FARP1: variants seen among roughly 807,000 people sequenced by gnomAD.
The protein encoded by FARP1 is FERM, ARH/RhoGEF and pleckstrin domain protein 1, also known as FERM, ARHGEF and pleckstrin domain-containing protein 1.
Under a neutral mutation model 128.8 loss-of-function variants are expected in FARP1, and 52 were observed. That is an observed-to-expected ratio of 0.40 (90% CI 0.32 to 0.51). The LOEUF (loss-of-function observed/expected upper bound fraction) is 0.51, where lower values mean the gene tolerates loss of function less well. Among genes scored for constraint, FARP1 ranks in the 20% least tolerant of loss-of-function variants. FARP1 has a pLI of 0.45. For synonymous variants in FARP1, 580 were observed against 551.8 expected (o/e 1.05, Z -0.72); for missense variants, 1,333 against 1,367.9 (o/e 0.97, Z 0.40).
At chr13:98,244,992 G>C (rs1566788250) in intron 2 of FARP1, 1 of 1,167,828 alleles carries the variant, frequency 8.6e-7, no homozygotes. Flanking sequence ...TTGCCACTAG[G>C]GGAAGATTCA....
At chr13:98,157,199 ATCAT>A (rs1876553395) in intron 1 of FARP1, among the ~76,000 whole-genome samples, 1 of 152,178 alleles carries the variant, frequency 6.6e-6, no homozygotes, top group African/African-American at 2.4e-5. Context: ...TTTTAAAGTG[ATCAT>A]TGTGTGAGAT....
At chr13:98,166,434 A>G (rs1371705231) in intron 1 of FARP1, among the ~76,000 whole-genome samples, 2 of 152,222 alleles carry the variant, frequency 1.3e-5, no homozygotes, top group East Asian at 3.8e-4. Context: ...TAGAAACTAT[A>G]TCAAATGTTT....
At chr13:98,299,079 C>T (rs776857847) in intron 2 of FARP1, among the ~76,000 whole-genome samples, 17 of 152,148 alleles carry the variant, frequency 1.1e-4, no homozygotes, top group South Asian at 4.2e-4. Context: ...GGATTATGTG[C>T]ACAACTTCAG....
intron 11 of FARP1, among the ~76,000 whole-genome samples, chr13:98,391,927 A>G (rs1890319978): frequency 6.6e-6 from 1 of 152,208 alleles, no homozygotes; most frequent in Non-Finnish European, 1.5e-5. Flanking sequence ...TTTCATTTTC[A>G]TACATTTAAA....
At position 98,448,471 on chromosome 13, in the gene FARP1, C is replaced by T; in HGVS notation, c.*154C>T. 1.6e-6 allele frequency: 1 copy of T among 635,014 alleles called. No homozygotes were observed. Among genetic ancestry groups the T allele is most frequent in the East Asian group, 2.8e-5 (1 of 35,986 alleles). The allele number at this position is 635,014 out of a possible 1,614,324, so 39.3% of individuals were successfully genotyped here. ...TGTCTCCACAGCCGCGTTTTTTAAC[C>T]CCGACCTCTCAGCGTCTGAATGAAC... On this transcript the variant is annotated 3_prime_UTR_variant, in exon 27 of 27. Coordinates refer to ENST00000319562, the MANE Select transcript of FARP1 (RefSeq NM_005766.4).
intron 1 of FARP1, among the ~76,000 whole-genome samples, chr13:98,206,180 TG>T (rs1880252880): frequency 3.4e-4 from 1 of 2,928 alleles, no homozygotes; most frequent in East Asian, 0.023. Context: ...CTTGAGGTTG[TG>T]TGTGTGTGTG....
intron 2 of FARP1, among the ~76,000 whole-genome samples, chr13:98,256,965 A>ATATATATATATG (rs1883642410): frequency 7.9e-6 from 1 of 127,316 alleles, no homozygotes; most frequent in Non-Finnish European, 1.6e-5. Flanking sequence ...ATATATATAT[A>ATATATATATATG]TATATATATA....
At chr13:98,364,146 A>G (rs12586088) in intron 3 of FARP1, among the ~76,000 whole-genome samples, 3 of 152,242 alleles carry the variant, frequency 2.0e-5, no homozygotes, top group Non-Finnish European at 2.9e-5. Context: ...AAATGCTGCA[A>G]TTAGTATTCC....
chr13:98,205,335 T>C (rs1277753427), intron 1 of FARP1, among the ~76,000 whole-genome samples: 1 of 152,188 alleles, frequency 6.6e-6, no homozygotes, highest in Non-Finnish European at 1.5e-5. Context: ...TTTTTGTTTC[T>C]TTAGGGATAC....
At chr13:98,311,327 T>G (rs1566862707) in intron 2 of FARP1, among the ~76,000 whole-genome samples, 3 of 152,192 alleles carry the variant, frequency 2.0e-5, no homozygotes, top group African/African-American at 4.8e-5. Context: ...CCCAGGTTTT[T>G]TTTGTTTGTT....
At chr13:98,339,718 T>G (rs1594420632) in intron 2 of FARP1, among the ~76,000 whole-genome samples, 2 of 152,216 alleles carry the variant, frequency 1.3e-5, no homozygotes, top group African/African-American at 4.8e-5. Context: ...TATAAAAATT[T>G]GGTGCCAAAG....
Position 98,196,937 on chromosome 13 carries a change from G to T in FARP1, c.-23-16283G>T, listed in dbSNP as rs143157622. ...ATTAATTCTAGTTGAAGTATTCCAGGATAAGGTACCCTTTACACATCTGTT... is the reference window on the plus strand; with the variant it reads ...ATTAATTCTAGTTGAAGTATTCCAGTATAAGGTACCCTTTACACATCTGTT... On this transcript the variant is annotated intron_variant, in intron 1 of 26. Transcript: ENST00000319562. 5.3e-4 allele frequency among the ~76,000 whole-genome samples: 81 copies of T among 152,180 alleles called. 4 individuals carry two copies. The East Asian group carries it at 0.016, about 29-fold the overall frequency.
intron 2 of FARP1, among the ~76,000 whole-genome samples, chr13:98,342,603 G>C (rs377116344): frequency 6.6e-6 from 1 of 152,134 alleles, no homozygotes; most frequent in South Asian, 2.1e-4. Flanking sequence ...GGGAGGCCGA[G>C]GTAGGAGAAT....
chr13:98,446,870 C>G, intron 26 of FARP1, 53 bp downstream of exon 26: 1 of 1,579,704 alleles, frequency 6.3e-7, no homozygotes, highest in South Asian at 1.1e-5. Context: ...CCCCCTCTTC[C>G]AAACATCAGG....
At chr13:98,145,847 G>GT (rs1445357589) in intron 1 of FARP1, among the ~76,000 whole-genome samples, 12 of 127,700 alleles carry the variant, frequency 9.4e-5, no homozygotes, top group African/African-American at 2.9e-4. Flanking sequence ...GGGCAACAGA[G>GT]TGAGACTCTG....
rs577222746 is a variant in FARP1 at position 98,362,309 on chromosome 13, C to G, written c.277-3086C>G. ...TACCTGATTCCCCAGCCAGCTACCC[C>G]CCATTCTGTTGCCTCTTGCTTCACA... On this transcript the variant is annotated intron_variant, in intron 3 of 26. Transcript: ENST00000319562. 1.6e-3 allele frequency among the ~76,000 whole-genome samples: 249 copies of G among 152,302 alleles called. 2 individuals carry two copies. Among genetic ancestry groups the G allele is most frequent in the Non-Finnish European group, 2.7e-3 (183 of 68,034 alleles).
At chr13:98,164,251 C>A (rs944468932) in intron 1 of FARP1, among the ~76,000 whole-genome samples, 2 of 152,116 alleles carry the variant, frequency 1.3e-5, no homozygotes, top group Admixed American at 1.3e-4. Flanking sequence ...CACCTTGGTC[C>A]GTTTTGGGGG....
chr13:98,300,764 A>C (rs542751034), intron 2 of FARP1, among the ~76,000 whole-genome samples: 50 of 152,334 alleles, frequency 3.3e-4, no homozygotes, highest in African/African-American at 1.1e-3. Context: ...TATATGGGGC[A>C]CTTAATGTCC....
chr13:98,296,516 C>T (rs1885698941), intron 2 of FARP1, among the ~76,000 whole-genome samples: 2 of 150,850 alleles, frequency 1.3e-5, no homozygotes. Context: ...AGACAGGGAC[C>T]CCCCGCTCTT....
Sources: allele counts gnomAD v4.1 joint callset (sites outside exome capture counted in the v4.1 genomes callset), GRCh38; gene constraint gnomAD v4.1.1; transcripts MANE v1.5; gene names NCBI Gene and HGNC (gene_info 2026-07-23, HGNC 2026-07-21).